The following ARHGAP21 variants were observed in gnomAD, a reference collection of about 807,000 sequenced individuals.
The protein encoded by ARHGAP21 is rho GTPase-activating protein 21.
A neutral mutation model predicts 164.6 loss-of-function variants in ARHGAP21; 38 were observed. That is an observed-to-expected ratio of 0.23 (90% CI 0.18 to 0.30). The LOEUF is 0.30. Among genes scored for constraint, ARHGAP21 ranks in the 10% least tolerant of loss-of-function variants. The pLI is 1.00. For synonymous variants in ARHGAP21, 766 were observed against 857.9 expected (o/e 0.89, Z 1.87); for missense variants, 1,822 against 2,370.7 (o/e 0.77, Z 4.81).
intron 8 of ARHGAP21, 138 bp from the exon 9 acceptor site, chr10:24,621,507 A>C: frequency 1.4e-6 from 1 of 723,588 alleles, no homozygotes; most frequent in Non-Finnish European, 2.2e-6. Flanking sequence ...CAAACACAAC[A>C]TAAGGGTACT....
At chr10:24,720,825 C>A (rs1845850528) in intron 2 of ARHGAP21, among the ~76,000 whole-genome samples, 1 of 152,030 alleles carries the variant, frequency 6.6e-6, no homozygotes, top group South Asian at 2.1e-4. Context: ...ATGTTATTGT[C>A]TAAAGTAATC....
At chr10:24,603,475 G>A (rs1425320746) in intron 12 of ARHGAP21, among the ~76,000 whole-genome samples, 1 of 152,132 alleles carries the variant, frequency 6.6e-6, no homozygotes, top group Non-Finnish European at 1.5e-5. Context: ...GAATAAAGCA[G>A]GATGTGGATT....
intron 4 of ARHGAP21, among the ~76,000 whole-genome samples, chr10:24,653,785 G>A (rs899842568): frequency 6.6e-6 from 1 of 152,162 alleles, no homozygotes; most frequent in South Asian, 2.1e-4. Flanking sequence ...GTACTCTTTT[G>A]TGCTTGATTT....
At chr10:24,688,597 C>T (rs767005564) in intron 2 of ARHGAP21, among the ~76,000 whole-genome samples, 7 of 152,076 alleles carry the variant, frequency 4.6e-5, no homozygotes, top group Admixed American at 2.0e-4. Flanking sequence ...TAGAAGATGA[C>T]GAAATGGTTT....
chr10:24,589,540 GGAGCCCTGTGCTAAA>G, intron 24 of ARHGAP21: 1 of 459,876 alleles, frequency 2.2e-6, no homozygotes. Flanking sequence ...AAATGGCAAA[GGAGCCCTGTGCTAAA>G]CAAAAACAGA....
chr10:24,611,950 T>A (rs2077280190), intron 9 of ARHGAP21, among the ~76,000 whole-genome samples: 1 of 152,180 alleles, frequency 6.6e-6, no homozygotes, highest in African/African-American at 2.4e-5. Context: ...CAAATGTGCA[T>A]GTCTTCTCAT....
chr10:24,635,748 T>C (rs1297780434), intron 4 of ARHGAP21, among the ~76,000 whole-genome samples: 1 of 152,174 alleles, frequency 6.6e-6, no homozygotes, highest in East Asian at 1.9e-4. Context: ...GGTTTCACCA[T>C]ATTGGCCAGG....
At position 24,721,981 on chromosome 10, in the gene ARHGAP21, G is replaced by C; in HGVS notation, c.-82C>G. 6.9e-7 allele frequency: 1 copy of C among 1,451,532 alleles called. No individual in the cohort carries two copies. Among genetic ancestry groups the C allele is most frequent in the Non-Finnish European group, 9.6e-7 (1 of 1,042,266 alleles). The allele number at this position is 1,451,532 out of a possible 1,614,324, so 89.9% of individuals were successfully genotyped here. A position where few individuals can be genotyped will look rare whatever the true frequency, so the allele number is the denominator to read the frequency against. Reference sequence around the variant, plus strand: ...GGGGAATGCCACCACACACCCGAAGGGGAAGAATTCCACAAGCAGGCTCCG... The same window carrying C: ...GGGGAATGCCACCACACACCCGAAGCGGAAGAATTCCACAAGCAGGCTCCG... On this transcript the variant is annotated 5_prime_UTR_variant, in exon 2 of 26. Coordinates refer to ENST00000396432, the MANE Select transcript of ARHGAP21 (RefSeq NM_020824.4).
chr10:24,661,961 C>T (rs964456965), intron 4 of ARHGAP21, among the ~76,000 whole-genome samples: 1 of 152,188 alleles, frequency 6.6e-6, no homozygotes, highest in African/African-American at 2.4e-5. Context: ...GAGACCCCAA[C>T]GATCAACTGG....
intron 4 of ARHGAP21, chr10:24,648,844 T>G: frequency 1.0e-6 from 1 of 985,094 alleles, no homozygotes; most frequent in Non-Finnish European, 1.2e-6. Context: ...CACAGCCCCT[T>G]TATATCTGAG....
rs148259716 is a variant in ARHGAP21, at chr10:24,652,408, A to G, written c.268+14577T>C. On this transcript the variant is annotated intron_variant, in intron 4 of 25. Transcript: ENST00000396432. ...GAAGATGACACAGGAGGATATCTGCATGACCATGGAGTAGAAAAAAATTCT... is the reference window on the plus strand; with the variant it reads ...GAAGATGACACAGGAGGATATCTGCGTGACCATGGAGTAGAAAAAAATTCT... Among the ~76,000 whole-genome samples the G allele has an allele frequency of 6.8e-3, 1,029 of 152,344 alleles. 6 individuals are homozygous for G. Among genetic ancestry groups the G allele is most frequent in the Non-Finnish European group, 7.5e-3 (510 of 68,024 alleles).
intron 9 of ARHGAP21, among the ~76,000 whole-genome samples, chr10:24,615,820 G>T (rs1432402293): frequency 1.3e-5 from 2 of 152,106 alleles, no homozygotes; most frequent in African/African-American, 4.8e-5. Context: ...TGTCGCCCAG[G>T]CTGGAGTGCA....
rs1341451384 is a variant in ARHGAP21 at position 24,620,609 on chromosome 10, A to T, written c.1286T>A (p.Val429Asp). 5 of 1,614,196 alleles carry T rather than the reference A, an allele frequency of 3.1e-6. No individual in the cohort carries two copies. The highest frequency in any genetic ancestry group is 1.6e-4 in the Middle Eastern group (1 of 6,062). Residue 429 changes from valine to aspartate, a missense_variant, in exon 9 of 26, where the codon GTC becomes GAC. Val to Asp is a radical substitution (Grantham distance 152). Around this residue, in one of 5 missense-constraint regions of ARHGAP21, gnomAD observed 1,090 missense variants for 1,378.9 expected, o/e 0.79. Coordinates refer to ENST00000396432, the MANE Select transcript of ARHGAP21 (RefSeq NM_020824.4). ...SQSTTDYNQV[V>D]PNRTTLQGRR... is the part of the protein sequence containing the mutation. ...TCCCTGCAAAGTAGTGCGGTTGGGGACGACCTGGTTATAATCTGTCGTGCT... is the reference window on the plus strand; with the variant it reads ...TCCCTGCAAAGTAGTGCGGTTGGGGTCGACCTGGTTATAATCTGTCGTGCT...
chr10:24,722,467 G>C, intron 1 of ARHGAP21, 188 bp from the exon 2 acceptor site: 2 of 156,148 alleles, frequency 1.3e-5, no homozygotes, highest in Admixed American at 6.2e-5. Flanking sequence ...AAACTGCCCA[G>C]CGGTTGCGTC....
intron 24 of ARHGAP21, chr10:24,590,609 G>A: frequency 7.2e-7 from 1 of 1,398,542 alleles, no homozygotes; most frequent in South Asian, 1.8e-5. Flanking sequence ...CAACAGTTTG[G>A]CAGGAGAAAG....
intron 4 of ARHGAP21, among the ~76,000 whole-genome samples, chr10:24,664,766 C>G (rs950011214): frequency 3.3e-5 from 5 of 151,960 alleles, no homozygotes; most frequent in African/African-American, 1.2e-4. Context: ...AATAGGCAAA[C>G]TGTTATCTTC....
chr10:24,618,053 C>T (rs1834163397), intron 9 of ARHGAP21, among the ~76,000 whole-genome samples: 1 of 152,050 alleles, frequency 6.6e-6, no homozygotes, highest in Non-Finnish European at 1.5e-5. Context: ...TCTCTTATCA[C>T]TTACTATGCG....
At chr10:24,609,986 A>G (rs1051724492) in intron 9 of ARHGAP21, among the ~76,000 whole-genome samples, 1 of 152,370 alleles carries the variant, frequency 6.6e-6, no homozygotes, top group South Asian at 2.1e-4. Flanking sequence ...GACATTAAAT[A>G]ATGCATTCAA....
At chr10:24,633,314 C>T (rs1215437077) in intron 6 of ARHGAP21, 88 bp downstream of exon 6, 17 of 965,690 alleles carry the variant, frequency 1.8e-5, no homozygotes, top group African/African-American at 9.9e-5. Context: ...ACCACAATTC[C>T]TTGTAAGAAT....
Sources: gnomAD v4.1 joint callset for allele counts (sites outside exome capture counted in the v4.1 genomes callset) on GRCh38, gnomAD v4.1.1 for gene constraint, gnomAD v4.1.1 regional missense constraint, MANE v1.5 for transcripts, NCBI Gene and HGNC (gene_info 2026-07-23, HGNC 2026-07-21) for gene names.